Variants in MACROD2 observed in about 807,000 individuals in gnomAD.
MACROD2 encodes ADP-ribose glycohydrolase MACROD2.
Under a neutral mutation model 70.4 loss-of-function variants are expected in MACROD2, and 36 were observed. That is an observed-to-expected ratio of 0.51 (90% CI 0.39 to 0.68). The LOEUF (loss-of-function observed/expected upper bound fraction) is 0.68, where lower values mean the gene tolerates loss of function less well. Ranked by LOEUF, MACROD2 falls within the 30% of genes least tolerant of loss-of-function variation. The pLI is 0.00. For missense variants in MACROD2, 496 were observed against 538.4 expected, an observed-to-expected ratio of 0.92 and a Z score of 0.78; for synonymous variants, 172 against 178.8, an observed-to-expected ratio of 0.96 and a Z score of 0.30.
At chr20:14,995,718 C>T (rs1214605166) in intron 5 of MACROD2, among the ~76,000 whole-genome samples, 3 of 151,976 alleles carry the variant, frequency 2.0e-5, no homozygotes, top group African/African-American at 7.3e-5. Context: ...TCAGAAATGA[C>T]TTAAATACCT....
chr20:14,970,092 C>T (rs923077730), intron 5 of MACROD2, among the ~76,000 whole-genome samples: 5 of 151,978 alleles, frequency 3.3e-5, no homozygotes, highest in African/African-American at 9.7e-5. Flanking sequence ...TCCACATGGC[C>T]GAGGAAGCCT....
chr20:15,243,457 G>T (rs1004676477), intron 6 of MACROD2, among the ~76,000 whole-genome samples: 4 of 152,130 alleles, frequency 2.6e-5, no homozygotes, highest in Non-Finnish European at 5.9e-5. Context: ...GCACACAGTA[G>T]AATCGAAGGA....
At chr20:15,866,043 A>T (rs1445811371) in intron 9 of MACROD2, among the ~76,000 whole-genome samples, 1 of 152,162 alleles carries the variant, frequency 6.6e-6, no homozygotes, top group Non-Finnish European at 1.5e-5. Context: ...AACTGATCAC[A>T]CAGGGAGGGA....
rs1001488411 is a variant in MACROD2 at position 15,421,086 on chromosome 20, T to TA, written c.541-10311dup. Among the ~76,000 whole-genome samples, 112 of 151,848 alleles carry TA rather than the reference T, an allele frequency of 7.4e-4. 2 individuals carry two copies. The highest frequency in any genetic ancestry group is 2.5e-3 in the African/African-American group (104 of 41,416). On this transcript the variant is annotated intron_variant, in intron 6 of 17. Coordinates refer to ENST00000684519, the MANE Select transcript of MACROD2 (RefSeq NM_001351661.2). ...GGGCAATAGAGTGCCGTCCTTCCTC[T>TA]AAAAAAAACACAAGGGTGCGGTGGC...
chr20:14,984,193 G>T lies in MACROD2; in HGVS notation c.419-245747G>T, dbSNP rs191788415. ...TTTTACTCCTTTCAGCTTTAGAGCT[G>T]CCTTAAAGATTAATTTAATCTAATT... On this transcript the variant is annotated intron_variant, in intron 5 of 17. Coordinates refer to ENST00000684519, the MANE Select transcript of MACROD2 (RefSeq NM_001351661.2). 1.4e-3 allele frequency among the ~76,000 whole-genome samples: 216 copies of T among 152,260 alleles called. 2 individuals carry two copies. The highest frequency in any genetic ancestry group is 4.8e-3 in the African/African-American group (199 of 41,534).
intron 3 of MACROD2, among the ~76,000 whole-genome samples, chr20:14,148,190 T>A (rs991357353): frequency 6.6e-6 from 1 of 152,198 alleles, no homozygotes; most frequent in Non-Finnish European, 1.5e-5. Flanking sequence ...TTTGAGTTAT[T>A]ATGGATTATC....
rs1319896338 is a variant in MACROD2, at chr20:15,731,482, T to C, written c.646-131263T>C. Among the ~76,000 whole-genome samples, 3 of 58,086 alleles carry C rather than the reference T, an allele frequency of 5.2e-5. 1 individual carries two copies. The highest frequency in any genetic ancestry group is 1.5e-4 in the Non-Finnish European group (3 of 20,652). 38.1% of individuals were successfully genotyped at this position (58,086 alleles called of 152,430 possible). On this transcript the variant is annotated intron_variant, in intron 8 of 17. Coordinates refer to ENST00000684519, the MANE Select transcript of MACROD2 (RefSeq NM_001351661.2). ...AGCTCAGCATTCCTGGTCTGAGTGC[T>C]TTAACTCTGGGGGGCTGGTACCAGG...
chr20:14,917,942 C>G (rs945571880), intron 5 of MACROD2, among the ~76,000 whole-genome samples: 4 of 151,946 alleles, frequency 2.6e-5, no homozygotes, highest in African/African-American at 7.3e-5. Context: ...GGTTTGTGGT[C>G]ACAAGGGTAA....
chr20:14,117,065 C>CA (rs11470818), intron 3 of MACROD2, among the ~76,000 whole-genome samples: 8 of 131,122 alleles, frequency 6.1e-5, no homozygotes, highest in African/African-American at 2.2e-4. Flanking sequence ...GACTCCATCT[C>CA]AAAAAAAAAA....
At chr20:14,807,121 C>T (rs2072649020) in intron 5 of MACROD2, among the ~76,000 whole-genome samples, 1 of 152,148 alleles carries the variant, frequency 6.6e-6, no homozygotes, top group South Asian at 2.1e-4. Context: ...TCAAGTGTGT[C>T]CCTGTCCCCT....
intron 2 of MACROD2, among the ~76,000 whole-genome samples, chr20:14,061,159 G>A (rs2053686624): frequency 6.6e-6 from 1 of 152,070 alleles, no homozygotes; most frequent in Non-Finnish European, 1.5e-5. Flanking sequence ...CCTTTGAAAT[G>A]TACTTTGAGA....
intron 6 of MACROD2, among the ~76,000 whole-genome samples, chr20:15,369,560 A>T (rs2146259602): frequency 1.3e-5 from 2 of 152,326 alleles, no homozygotes; most frequent in South Asian, 4.1e-4. Flanking sequence ...TGTTTAAATT[A>T]CAAAGAAATT....
chr20:15,016,718 T>C (rs1174005211), intron 5 of MACROD2, among the ~76,000 whole-genome samples: 3 of 152,124 alleles, frequency 2.0e-5, no homozygotes, highest in Admixed American at 6.6e-5. Context: ...CAGTTGCACA[T>C]GACTGGGGAG....
chr20:15,189,656 G>A (rs941676388), intron 5 of MACROD2, among the ~76,000 whole-genome samples: 2 of 152,188 alleles, frequency 1.3e-5, no homozygotes, highest in African/African-American at 4.8e-5. Flanking sequence ...TGAGAATTCA[G>A]TAGGTGAAGG....
chr20:15,201,967 A>G (rs6043133), intron 5 of MACROD2, among the ~76,000 whole-genome samples: 4,471 of 152,306 alleles, frequency 0.029, 133 homozygotes, highest in Middle Eastern at 0.071. Context: ...TATAAAATAC[A>G]GGACCCACGG....
intron 4 of MACROD2, among the ~76,000 whole-genome samples, chr20:14,522,154 G>T (rs2085175515): frequency 6.6e-6 from 1 of 152,088 alleles, no homozygotes; most frequent in East Asian, 1.9e-4. Context: ...TGGGTGAAAT[G>T]GTGTTAAATA....
chr20:15,350,265 C>T (rs1288045528), intron 6 of MACROD2, among the ~76,000 whole-genome samples: 2 of 152,192 alleles, frequency 1.3e-5, no homozygotes, highest in Non-Finnish European at 2.9e-5. Context: ...ATGTTGTTCA[C>T]AGGCACCCTG....
At chr20:14,127,902 A>C (rs780228960) in intron 3 of MACROD2, 6 of 503,234 alleles carry the variant, frequency 1.2e-5, no homozygotes, top group Non-Finnish European at 2.0e-5. Context: ...TGGTTGCATC[A>C]TAAATGTCAG....
chr20:14,321,834 C>T (rs754856829), intron 3 of MACROD2, among the ~76,000 whole-genome samples: 20 of 152,054 alleles, frequency 1.3e-4, no homozygotes, highest in Non-Finnish European at 2.8e-4. Flanking sequence ...TAAGATAGAG[C>T]ACAGTGTCAT....
Sources: gnomAD v4.1 joint callset for allele counts (sites outside exome capture counted in the v4.1 genomes callset) on GRCh38, gnomAD v4.1.1 for gene constraint, MANE v1.5 for transcripts, NCBI Gene and HGNC (gene_info 2026-07-23, HGNC 2026-07-21) for gene names.